Variants in ZFAND6 observed in about 807,000 individuals in gnomAD.
The protein encoded by ZFAND6 is AN1-type zinc finger protein 6.
In ZFAND6, 12 loss-of-function variants were observed where a neutral mutation model predicts 24.5. That is an observed-to-expected ratio of 0.49 (90% CI 0.31 to 0.79). The LOEUF is 0.79. Among genes scored for constraint, ZFAND6 ranks in the 30% least tolerant of loss-of-function variants. The probability of loss-of-function intolerance (pLI) is 0.04; values close to 1 mark genes in which losing one functional copy is unlikely to be tolerated. For synonymous variants in ZFAND6, 92 were observed against 81.5 expected, an observed-to-expected ratio of 1.13 and a Z score of -0.69; for missense variants, 207 against 245.9, an observed-to-expected ratio of 0.84 and a Z score of 1.06.
intron 2 of ZFAND6, chr15:80,111,527 A>G (rs1319527784): frequency 2.2e-5 from 10 of 455,912 alleles, no homozygotes; most frequent in African/African-American, 4.0e-5. Flanking sequence ...TCTAGAATCT[A>G]TCTTCAGATG....
At chr15:80,062,070 C>T (rs2036364942) in intron 1 of ZFAND6, among the ~76,000 whole-genome samples, 2 of 152,056 alleles carry the variant, frequency 1.3e-5, no homozygotes, top group African/African-American at 4.8e-5. Context: ...CTTTTCAATG[C>T]AAAAATAGTA....
intron 2 of ZFAND6, chr15:80,111,341 C>T: frequency 2.8e-6 from 1 of 363,064 alleles, no homozygotes; most frequent in Non-Finnish European, 5.5e-6. Context: ...CCCACCCCTG[C>T]AGACACCAGA....
intron 2 of ZFAND6, among the ~76,000 whole-genome samples, chr15:80,101,601 G>A (rs1413699722): frequency 1.3e-5 from 2 of 152,106 alleles, no homozygotes; most frequent in Non-Finnish European, 2.9e-5. Context: ...TAGATAGTTG[G>A]TTTCACTAGG....
At chr15:80,067,381 G>C (rs562697205) in intron 1 of ZFAND6, among the ~76,000 whole-genome samples, 1 of 152,158 alleles carries the variant, frequency 6.6e-6, no homozygotes, top group South Asian at 2.1e-4. Context: ...GCTTAGTTGT[G>C]ATTTCCTTGA....
At chr15:80,078,837 ATTTG>A (rs1174132265) in intron 1 of ZFAND6, among the ~76,000 whole-genome samples, 1 of 148,828 alleles carries the variant, frequency 6.7e-6, no homozygotes, top group East Asian at 2.0e-4. Flanking sequence ...TTTTTCATGT[ATTTG>A]TTGGCTGTAT....
chr15:80,098,740 A>G (rs1729076511), intron 2 of ZFAND6, among the ~76,000 whole-genome samples, 162 bp downstream of exon 2: 1 of 152,106 alleles, frequency 6.6e-6, no homozygotes, highest in African/African-American at 2.4e-5. Flanking sequence ...AGTGGGTGGT[A>G]GATTTTTATT....
rs2037231292 is a variant in ZFAND6, at chr15:80,075,664, C to G, written c.-181+15855C>G. On this transcript the variant is annotated intron_variant, in intron 1 of 6. Coordinates refer to ENST00000261749, the MANE Select transcript of ZFAND6 (RefSeq NM_019006.4). ...CCCTCCAAATAATATGAGGAAAAAA[C>G]TTAATGGGCAGTAAGTTGATAAAAC... 5.3e-5 allele frequency among the ~76,000 whole-genome samples: 8 copies of G among 152,112 alleles called. No homozygotes were observed. The South Asian group carries it at 1.7e-3, about 31-fold the overall frequency.
chr15:80,064,400 G>A (rs11072878), intron 1 of ZFAND6, among the ~76,000 whole-genome samples: 51,923 of 151,682 alleles, frequency 0.34, 10,238 homozygotes, highest in Middle Eastern at 0.47. Flanking sequence ...CTTTCTATAG[G>A]AATCATCATA....
chr15:80,084,802 A>G (rs1477363974), intron 1 of ZFAND6, among the ~76,000 whole-genome samples: 3 of 152,214 alleles, frequency 2.0e-5, no homozygotes, highest in African/African-American at 7.2e-5. Flanking sequence ...TAAATAATAC[A>G]TGCTGTCCCA....
At chr15:80,081,437 C>A (rs1442919274) in intron 1 of ZFAND6, among the ~76,000 whole-genome samples, 1 of 152,156 alleles carries the variant, frequency 6.6e-6, no homozygotes, top group Non-Finnish European at 1.5e-5. Flanking sequence ...AAAAGCGATT[C>A]AAGAACCAAG....
chr15:80,082,075 T>C (rs1340445589), intron 1 of ZFAND6, among the ~76,000 whole-genome samples: 1 of 152,236 alleles, frequency 6.6e-6, no homozygotes, highest in African/African-American at 2.4e-5. Context: ...AACCAAAATT[T>C]TGCTGGTTTA....
intron 2 of ZFAND6, among the ~76,000 whole-genome samples, chr15:80,104,178 A>G (rs894272263): frequency 2.0e-5 from 3 of 152,182 alleles, no homozygotes; most frequent in African/African-American, 7.2e-5. Context: ...CTCCATGAAG[A>G]CTGGCTGTTA....
chr15:80,127,607 A>C (rs1156335604), intron 5 of ZFAND6, among the ~76,000 whole-genome samples: 3 of 151,712 alleles, frequency 2.0e-5, no homozygotes, highest in Admixed American at 1.3e-4. Context: ...AAAAAAAAAA[A>C]AAAAAAAACC....
intron 1 of ZFAND6, among the ~76,000 whole-genome samples, chr15:80,095,121 T>G (rs1375870879): frequency 6.6e-6 from 1 of 152,230 alleles, no homozygotes; most frequent in Non-Finnish European, 1.5e-5. Context: ...AATCATTCAT[T>G]GCATTTAGTT....
At chr15:80,094,420 CTGA>C (rs1270311917) in intron 1 of ZFAND6, among the ~76,000 whole-genome samples, 2 of 152,186 alleles carry the variant, frequency 1.3e-5, no homozygotes, top group African/African-American at 2.4e-5. Context: ...AACCTAAGGC[CTGA>C]TGATCTGAGG....
intron 1 of ZFAND6, chr15:80,060,469 A>C (rs1181403738): frequency 6.6e-6 from 1 of 152,138 alleles, no homozygotes; most frequent in East Asian, 1.9e-4. Context: ...TTGTGTTTGA[A>C]ATCTTTTTAA....
At chr15:80,109,939 G>A (rs2039523045) in intron 2 of ZFAND6, among the ~76,000 whole-genome samples, 1 of 152,232 alleles carries the variant, frequency 6.6e-6, no homozygotes, top group African/African-American at 2.4e-5. Flanking sequence ...TGAGGTTGCA[G>A]TTCACATGTC....
At chr15:80,126,696 A>C (rs1180887334) in intron 5 of ZFAND6, among the ~76,000 whole-genome samples, 1 of 152,232 alleles carries the variant, frequency 6.6e-6, no homozygotes, top group African/African-American at 2.4e-5. Flanking sequence ...CTCTTAAAGC[A>C]GGTATACATT....
chr15:80,091,244 G>A (rs1200588478), intron 1 of ZFAND6, among the ~76,000 whole-genome samples: 2 of 151,958 alleles, frequency 1.3e-5, no homozygotes, highest in Non-Finnish European at 2.9e-5. Flanking sequence ...ATATCAGAAT[G>A]GGGTGAGAAG....
Sources: gnomAD v4.1 joint callset for allele counts (sites outside exome capture counted in the v4.1 genomes callset) on GRCh38, gnomAD v4.1.1 for gene constraint, MANE v1.5 for transcripts, NCBI Gene and HGNC (gene_info 2026-07-23, HGNC 2026-07-21) for gene names.